Variants in PRRX2 observed in about 807,000 individuals in gnomAD.
PRRX2 encodes paired mesoderm homeobox protein 2.
Under a neutral mutation model 18.0 loss-of-function variants are expected in PRRX2, and 11 were observed. The ratio of observed to expected loss-of-function variants is 0.61; its 90% CI spans 0.39 to 1.01. The LOEUF is 1.01. Among genes scored for constraint, PRRX2 ranks in the 50% least tolerant of loss-of-function variants. The probability of loss-of-function intolerance (pLI) is 0.01; values close to 1 mark genes in which losing one functional copy is unlikely to be tolerated. For missense variants in PRRX2, 387 were observed against 351.0 expected (o/e 1.10, Z -0.82); for synonymous variants, 177 against 154.8 (o/e 1.14, Z -1.06).
At chr9:129,718,369 G>A (rs938655089) in intron 1 of PRRX2, among the ~76,000 whole-genome samples, 10 of 152,036 alleles carry the variant, frequency 6.6e-5, no homozygotes, top group African/African-American at 1.7e-4. Context: ...GCATCCTCCC[G>A]TGCCCTGGCC....
chr9:129,672,321 C>T (rs1832109806), intron 1 of PRRX2, among the ~76,000 whole-genome samples: 1 of 152,186 alleles, frequency 6.6e-6, no homozygotes, highest in Non-Finnish European at 1.5e-5. Flanking sequence ...GCTGTGTGCT[C>T]TGCATGTCGG....
At chr9:129,686,692 G>T (rs1233347749) in intron 1 of PRRX2, among the ~76,000 whole-genome samples, 1 of 152,086 alleles carries the variant, frequency 6.6e-6, no homozygotes, top group African/African-American at 2.4e-5. Context: ...TCTTACTTTT[G>T]CAGCCTGGGT....
At chr9:129,722,127 A>AGGGG (rs963966563) in intron 3 of PRRX2, 90 bp from the exon 4 acceptor site, 1 of 1,521,512 alleles carries the variant, frequency 6.6e-7, no homozygotes, top group African/African-American at 1.4e-5. Context: ...CAAGCTAAGG[A>AGGGG]GGGGGGTGGC....
rs1832405759 is a variant in PRRX2 at position 129,695,179 on chromosome 9, A to G, written c.260-24052A>G. ...GATCCAGGGTCATTCTAGAAGTTCT[A>G]GGAGGATTATTCCCTTCTCCACCCC... On this transcript the variant is annotated intron_variant, in intron 1 of 3. Transcript: ENST00000372469. The surrounding 1 kb of genome is among the most constrained non-coding windows in gnomAD (Gnocchi z 4.8). Among the ~76,000 whole-genome samples, 1 of 152,110 alleles carries G rather than the reference A, an allele frequency of 6.6e-6. No homozygotes were observed. The highest frequency in any genetic ancestry group is 1.5e-5 in the Non-Finnish European group (1 of 68,018).
At chr9:129,721,133 C>T (rs2130938636) in intron 3 of PRRX2, among the ~76,000 whole-genome samples, 1 of 152,284 alleles carries the variant, frequency 6.6e-6, no homozygotes, top group South Asian at 2.1e-4. Context: ...ACAGGCCTAT[C>T]TGGAGGGGGA....
At chr9:129,676,671 G>T (rs770122383) in intron 1 of PRRX2, among the ~76,000 whole-genome samples, 7 of 152,210 alleles carry the variant, frequency 4.6e-5, no homozygotes, top group Non-Finnish European at 8.8e-5. Context: ...AGCCCTCACT[G>T]AGGCCAGGCA....
intron 1 of PRRX2, among the ~76,000 whole-genome samples, chr9:129,694,610 A>C (rs554436735): frequency 2.6e-4 from 39 of 152,270 alleles, no homozygotes; most frequent in African/African-American, 9.4e-4. Flanking sequence ...TGGGTGCTGG[A>C]ATCTGGTGCA....
At chr9:129,710,872 T>C (rs372702841) in intron 1 of PRRX2, among the ~76,000 whole-genome samples, 7 of 152,202 alleles carry the variant, frequency 4.6e-5, no homozygotes, top group Admixed American at 2.0e-4. Flanking sequence ...ATGTTTCTTC[T>C]CCTCTATCCT....
chr9:129,693,157 G>A (rs1832381797), intron 1 of PRRX2, among the ~76,000 whole-genome samples: 1 of 152,124 alleles, frequency 6.6e-6, no homozygotes. Flanking sequence ...AAGATACGGT[G>A]TATCTTTCAT....
intron 1 of PRRX2, among the ~76,000 whole-genome samples, chr9:129,717,695 C>CAAAAAAAAAAAAAAAAA (rs568330077): frequency 2.4e-5 from 2 of 82,512 alleles, no homozygotes; most frequent in Non-Finnish European, 5.3e-5. Context: ...GACTCCGCCT[C>CAAAAAAAAAAAAAAAAA]AAAAAAAAAA....
chr9:129,704,000 G>A (rs926064558), intron 1 of PRRX2, among the ~76,000 whole-genome samples: 2 of 152,250 alleles, frequency 1.3e-5, no homozygotes, highest in African/African-American at 4.8e-5. Context: ...AGAGGGGCAG[G>A]TTCTTCCAGG....
At chr9:129,712,252 GTTAT>G (rs890185717) in intron 1 of PRRX2, among the ~76,000 whole-genome samples, 6 of 152,206 alleles carry the variant, frequency 3.9e-5, no homozygotes, top group African/African-American at 1.4e-4. Context: ...ATTAATAAAA[GTTAT>G]TTATTTGGGT....
At position 129,709,734 on chromosome 9, in the gene PRRX2, A is replaced by C. The variant is rs961603923; in HGVS notation, c.260-9497A>C. Among the ~76,000 whole-genome samples, 5 of 152,100 alleles carry C rather than the reference A, an allele frequency of 3.3e-5. No homozygotes were observed. Among genetic ancestry groups the C allele is most frequent in the Admixed American group, 3.3e-4 (5 of 15,270 alleles). On this transcript the variant is annotated intron_variant, in intron 1 of 3. Transcript: ENST00000372469. This position sits in a 1 kb window ranked among gnomAD's most constrained non-coding sequence, Gnocchi z 4.2. ...AAATTAATGAGGTGAAACATTCTTA[A>C]AAGTGTGGCAGGGCAGTGGCTGGTG...
At chr9:129,684,452 ACACACACC>A (rs1394709846) in intron 1 of PRRX2, among the ~76,000 whole-genome samples, 15 of 144,012 alleles carry the variant, frequency 1.0e-4, no homozygotes, top group African/African-American at 1.8e-4. Flanking sequence ...ACACACACAC[ACACACACC>A]CAACAGAAAA....
rs546221678 is a variant in PRRX2 at position 129,666,225 on chromosome 9, C to T, written c.259+99C>T. On this transcript the variant is annotated intron_variant, in intron 1 of 3. Transcript: ENST00000372469. ...AGCCGGCGCGGGGCGGGCGAAGATG[C>T]AGGGCGCGTGGTCGGCGGCAGGACT... 8.1e-4 allele frequency: 735 copies of T among 911,730 alleles called. 9 individuals are homozygous for T. In the African/African-American group the frequency reaches 0.011, roughly 14 times the overall value. 56.5% of individuals were successfully genotyped at this position (911,730 alleles called of 1,614,324 possible). A position where few individuals can be genotyped will look rare whatever the true frequency, so the allele number is the denominator to read the frequency against.
At chr9:129,689,650 A>G (rs150079880) in intron 1 of PRRX2, among the ~76,000 whole-genome samples, 1 of 149,730 alleles carries the variant, frequency 6.7e-6, no homozygotes, top group African/African-American at 2.5e-5. Flanking sequence ...GCACGGTAGC[A>G]TGAGCTGGCG....
At chr9:129,691,845 A>G (rs10988474) in intron 1 of PRRX2, among the ~76,000 whole-genome samples, 31,514 of 151,370 alleles carry the variant, frequency 0.21, 5,351 homozygotes, top group African/African-American at 0.46. Context: ...TGCTCAGCTA[A>G]TTAAAAAAAT....
At position 129,720,582 on chromosome 9, in the gene PRRX2, C is replaced by T. The variant is rs369331504; in HGVS notation, c.448-14C>T. 6.2e-5 allele frequency: 99 copies of T among 1,592,436 alleles called. No individual in the cohort carries two copies. Among genetic ancestry groups the T allele is most frequent in the Non-Finnish European group, 8.0e-5 (94 of 1,168,108 alleles). ...CCTGCCCATGCTGCACCCTGCTCAC[C>T]CTCCCACCCACAGGTCTGGTTTCAG... On this transcript the variant is annotated splice_polypyrimidine_tract_variant and intron_variant, in intron 2 of 3. Transcript: ENST00000372469.
In PRRX2 at chr9:129,715,618, C is replaced by T. The variant is rs34092069; in HGVS notation, c.260-3613C>T. Among the ~76,000 whole-genome samples the T allele has an allele frequency of 0.02, 3,109 of 152,062 alleles. 53 individuals are homozygous for T. Among genetic ancestry groups the T allele is most frequent in the Middle Eastern group, 0.078 (23 of 294 alleles). ...AAAATAAAAAAGATATTTAGCAGCA[C>T]TCCTGGCCTCTTTACCATTAGATCC... On this transcript the variant is annotated intron_variant, in intron 1 of 3. Transcript: ENST00000372469. This position sits in a 1 kb window ranked among gnomAD's most constrained non-coding sequence, Gnocchi z 4.0.
Sources: allele counts gnomAD v4.1 joint callset (sites outside exome capture counted in the v4.1 genomes callset), GRCh38; gene constraint gnomAD v4.1.1; non-coding constraint Gnocchi (gnomAD v3.1); transcripts MANE v1.5; gene names NCBI Gene and HGNC (gene_info 2026-07-23, HGNC 2026-07-21).